The following PFDN4 variants were observed in gnomAD, a reference collection of about 807,000 sequenced individuals.
The protein encoded by PFDN4 is prefoldin 4.
PFDN4 carries 6 observed loss-of-function variants against 17.6 expected under a neutral mutation model. The observed-to-expected ratio is 0.34, with a 90% confidence interval of 0.19 to 0.67. The LOEUF (loss-of-function observed/expected upper bound fraction) is 0.67. PFDN4 is among the 30% of genes least tolerant of loss of function. The pLI is 0.68. For missense variants in PFDN4, 119 were observed against 158.4 expected, an observed-to-expected ratio of 0.75 and a Z score of 1.33; for synonymous variants, 48 against 51.1, an observed-to-expected ratio of 0.94 and a Z score of 0.26.
chr20:54,215,356 T>C lies in PFDN4; in HGVS notation c.189T>C (p.Asp63=), dbSNP rs369214934. The C allele has an allele frequency of 2.5e-6, 4 of 1,605,090 alleles. No homozygotes were observed. The highest frequency in any genetic ancestry group is 1.3e-5 in the African/African-American group (1 of 74,838). The part of the protein sequence containing the change: ...ACDDIMLADD[D]CLMIPYQIGD... ...ATGACATCATGCTTGCAGATGATGATTGCTTAATGATACCTTATCAAATTG... is the reference window on the plus strand; with the variant it reads ...ATGACATCATGCTTGCAGATGATGACTGCTTAATGATACCTTATCAAATTG... Residue 63 remains aspartate, a synonymous_variant, in exon 3 of 4, where the codon GAT becomes GAC. Transcript: ENST00000371419.
intron 3 of PFDN4, 53 bp from the exon 4 acceptor site, chr20:54,218,966 T>C: frequency 8.7e-7 from 1 of 1,154,252 alleles, no homozygotes; most frequent in Non-Finnish European, 1.2e-6. Flanking sequence ...CAGACACAGA[T>C]GCTCAGAAAT....
At chr20:54,214,602 AT>A (rs528818258) in intron 2 of PFDN4, 144 bp downstream of exon 2, 3,337 of 449,292 alleles carry the variant, frequency 7.4e-3, no homozygotes, top group South Asian at 9.6e-3. Context: ...GCAGAAAGTC[AT>A]TTTTTTTTTA....
intron 1 of PFDN4, among the ~76,000 whole-genome samples, chr20:54,211,619 G>T (rs6013926): frequency 0.091 from 13,808 of 152,096 alleles, 768 homozygotes; most frequent in East Asian, 0.22. Context: ...GCTTGGATTG[G>T]ATTGCAGCCT....
intron 2 of PFDN4, 82 bp from the exon 3 acceptor site, chr20:54,215,218 T>C: frequency 1.1e-6 from 1 of 947,592 alleles, no homozygotes; most frequent in East Asian, 2.5e-5. Flanking sequence ...CCTCAGAGAG[T>C]TGCTGTCCCC....
In PFDN4 at chr20:54,219,004, A is replaced by G; in HGVS notation, c.274-15A>G. ...TCCTATTGAATAGAATTAATTTAAA[A>G]TATTTTTTTTCCAGAAAAATTTGCA... On this transcript the variant is annotated splice_polypyrimidine_tract_variant and intron_variant, in intron 3 of 3. Transcript: ENST00000371419. 1 of 1,429,170 alleles carries G rather than the reference A, an allele frequency of 7.0e-7. No homozygotes were observed. Among genetic ancestry groups the G allele is most frequent in the Non-Finnish European group, 9.5e-7 (1 of 1,051,694 alleles). The allele number at this position is 1,429,170 out of a possible 1,614,324, so 88.5% of individuals were successfully genotyped here.
At chr20:54,209,411 A>T (rs1396104385) in intron 1 of PFDN4, among the ~76,000 whole-genome samples, 4 of 152,124 alleles carry the variant, frequency 2.6e-5, no homozygotes, top group Non-Finnish European at 5.9e-5. Context: ...CCCCTTTTAT[A>T]TGAAATTGAG....
At chr20:54,212,961 TG>T (rs1379199807) in intron 1 of PFDN4, among the ~76,000 whole-genome samples, 1 of 152,212 alleles carries the variant, frequency 6.6e-6, no homozygotes, top group Non-Finnish European at 1.5e-5. Flanking sequence ...GTTGTTGAGG[TG>T]GGGCATAATG....
Position 54,214,575 on chromosome 20 carries a change from C to T in PFDN4, c.132+117C>T, listed in dbSNP as rs965792421. 15 of 561,948 alleles carry T rather than the reference C, an allele frequency of 2.7e-5. No homozygotes were observed. In the East Asian group the frequency reaches 2.8e-4, roughly 10 times the overall value. 34.8% of individuals were successfully genotyped at this position (561,948 alleles called of 1,614,324 possible). ...GGCTGTTTGTTGCAGATGAATGACG[C>T]GATCCACTCTAGTTAAGCAGAAAGT... On this transcript the variant is annotated intron_variant, in intron 2 of 3. Transcript: ENST00000371419.
Position 54,219,114 on chromosome 20 carries a change from C to A in PFDN4, c.369C>A (p.Phe123Leu). Residue 123 changes from phenylalanine (F) to leucine (L), a missense_variant, in exon 4 of 4, where the codon TTC (phenylalanine) becomes TTA (leucine). Around this residue, in one of 3 missense-constraint regions of PFDN4, gnomAD observed 81 missense variants for 111.7 expected, o/e 0.73. Coordinates refer to ENST00000371419, the MANE Select transcript of PFDN4 (RefSeq NM_002623.4). ...ADLKVQLYAK[F>L]GSNINLEADE... ...TGAAAGTTCAGTTGTATGCAAAATT[C>A]GGGAGCAACATAAACCTTGAAGCTG... 6.3e-7 allele frequency: 1 copy of A among 1,586,112 alleles called. No individual in the cohort carries two copies. The highest frequency in any genetic ancestry group is 8.6e-7 in the Non-Finnish European group (1 of 1,162,962).
At chr20:54,209,452 A>C (rs1445166698) in intron 1 of PFDN4, among the ~76,000 whole-genome samples, 1 of 152,174 alleles carries the variant, frequency 6.6e-6, no homozygotes, top group African/African-American at 2.4e-5. Context: ...GCCCCAGCCA[A>C]CTCAGGATGT....
intron 1 of PFDN4, among the ~76,000 whole-genome samples, chr20:54,212,403 A>G (rs1396623620): frequency 6.6e-6 from 1 of 152,142 alleles, no homozygotes; most frequent in Non-Finnish European, 1.5e-5. Context: ...CAGTGGGAAA[A>G]CCACTGTAAA....
At chr20:54,213,059 C>T (rs1457654806) in intron 1 of PFDN4, among the ~76,000 whole-genome samples, 1 of 152,240 alleles carries the variant, frequency 6.6e-6, no homozygotes. Context: ...TTGCTTGACA[C>T]TGCCTTTCAA....
chr20:54,218,004 G>A (rs1302448980), intron 3 of PFDN4, among the ~76,000 whole-genome samples: 12 of 152,084 alleles, frequency 7.9e-5, no homozygotes. Context: ...CACTGGTCTC[G>A]GGGCCACCGT....
chr20:54,219,228 C>A lies in PFDN4; in HGVS notation c.*78C>A. 2.2e-6 allele frequency: 2 copies of A among 911,538 alleles called. No homozygotes were observed. Among genetic ancestry groups the A allele is most frequent in the Non-Finnish European group, 3.1e-6 (2 of 639,954 alleles). The allele number at this position is 911,538 out of a possible 1,614,324, so 56.5% of individuals were successfully genotyped here. ...ATGATAATTTTCCTTCTTCAAATGACATGGAAAGCAAAACTTTCTTTTTTA... is the reference window on the plus strand; with the variant it reads ...ATGATAATTTTCCTTCTTCAAATGAAATGGAAAGCAAAACTTTCTTTTTTA... On this transcript the variant is annotated 3_prime_UTR_variant, in exon 4 of 4. Coordinates refer to ENST00000371419, the MANE Select transcript of PFDN4 (RefSeq NM_002623.4).
intron 1 of PFDN4, among the ~76,000 whole-genome samples, chr20:54,212,470 A>G (rs903717407): frequency 1.2e-4 from 18 of 152,208 alleles, no homozygotes; most frequent in Non-Finnish European, 2.2e-4. Context: ...TGGGGCTACA[A>G]CAGGAAATTC....
At chr20:54,218,610 A>T (rs572787535) in intron 3 of PFDN4, among the ~76,000 whole-genome samples, 2 of 152,226 alleles carry the variant, frequency 1.3e-5, no homozygotes, top group African/African-American at 4.8e-5. Flanking sequence ...GTTCTTCTTA[A>T]TTATTGGTGG....
intron 1 of PFDN4, among the ~76,000 whole-genome samples, chr20:54,211,854 C>T (rs778907054): frequency 2.3e-4 from 35 of 152,214 alleles, no homozygotes; most frequent in Non-Finnish European, 4.1e-4. Flanking sequence ...CTGGGTATAT[C>T]GACCTGTCAA....
chr20:54,208,291 G>A, intron 1 of PFDN4, 167 bp downstream of exon 1: 2 of 548,830 alleles, frequency 3.6e-6, no homozygotes, highest in Non-Finnish European at 5.8e-6. Context: ...CTCGCGCCTG[G>A]CGCCCTGAGC....
At chr20:54,214,234 T>C in intron 1 of PFDN4, 117 bp from the exon 2 acceptor site, 2 of 642,672 alleles carry the variant, frequency 3.1e-6, no homozygotes, top group African/African-American at 1.9e-5. Flanking sequence ...TCTGTACTTC[T>C]TGTGATTCTT....
Sources: allele counts gnomAD v4.1 joint callset (sites outside exome capture counted in the v4.1 genomes callset), GRCh38; gene constraint gnomAD v4.1.1; regional missense constraint gnomAD v4.1.1; transcripts MANE v1.5; gene names NCBI Gene and HGNC (gene_info 2026-07-23, HGNC 2026-07-21).